Variants in PANX1 observed in about 807,000 individuals in gnomAD.
PANX1 encodes pannexin 1, also known as pannexin-1.
Under a neutral mutation model 38.7 loss-of-function variants are expected in PANX1, and 30 were observed. That is an observed-to-expected ratio of 0.78 (90% CI 0.58 to 1.05). PANX1 has a LOEUF of 1.05. Ranked by LOEUF, PANX1 falls within the 50% of genes least tolerant of loss-of-function variation. PANX1 has a pLI of 0.00. For missense variants in PANX1, 551 were observed against 517.2 expected (o/e 1.07, Z -0.63); for synonymous variants, 230 against 212.2 (o/e 1.08, Z -0.73).
chr11:94,178,379 A>G lies in PANX1; in HGVS notation c.332A>G (p.Tyr111Cys). ...LPLWLHKFFP[Y>C]ILLLFAILLY... is the part of the protein sequence containing the mutation. The stretch of plus-strand genomic sequence containing the variant: ...TCTCTTGTTTTTCAGTTTTTCCCCT[A>G]CATCCTGCTGCTCTTTGCGATCCTC... Residue 111 changes from tyrosine to cysteine, a missense_variant, in exon 3 of 5, where the codon TAC (tyrosine) becomes TGC (cysteine). Tyr to Cys is a radical substitution (Grantham distance 194). Transcript: ENST00000227638. The G allele has an allele frequency of 6.2e-7, 1 of 1,613,786 alleles. No homozygotes were observed. The highest frequency in any genetic ancestry group is 8.5e-7 in the Non-Finnish European group (1 of 1,179,742).
rs1947301329 is a variant in PANX1, at chr11:94,181,032, A to G, written c.*163A>G. Reference sequence around the variant, plus strand: ...CCTAATGGAAATGGTGATCAACAAAAGGTTATGGAAGAATGGTTTATGAAC... The same window carrying G: ...CCTAATGGAAATGGTGATCAACAAAGGGTTATGGAAGAATGGTTTATGAAC... On this transcript the variant is annotated 3_prime_UTR_variant, in exon 5 of 5. Coordinates refer to ENST00000227638, the MANE Select transcript of PANX1 (RefSeq NM_015368.4). 3 of 598,808 alleles carry G rather than the reference A, an allele frequency of 5.0e-6. No homozygotes were observed. The highest frequency in any genetic ancestry group is 2.0e-5 in the South Asian group (1 of 49,120). The allele number at this position is 598,808 out of a possible 1,614,324, so 37.1% of individuals were successfully genotyped here. A position where few individuals can be genotyped will look rare whatever the true frequency, so the allele number is the denominator to read the frequency against.
At position 94,181,648 on chromosome 11, in the gene PANX1, C is replaced by T. The variant is rs1454297463; in HGVS notation, c.*779C>T. 6.6e-6 allele frequency: 1 copy of T among 152,208 alleles called. No homozygotes were observed. Among genetic ancestry groups the T allele is most frequent in the African/African-American group, 2.4e-5 (1 of 41,454 alleles). 9.4% of individuals were successfully genotyped at this position (152,208 alleles called of 1,614,324 possible). A position where few individuals can be genotyped will look rare whatever the true frequency, so the allele number is the denominator to read the frequency against. Reference sequence around the variant, plus strand: ...CAGAAGACATTAATTCAGTCACTTTCAAAGAGTTTGTCTACAGGCGGTTTC... The same window carrying T: ...CAGAAGACATTAATTCAGTCACTTTTAAAGAGTTTGTCTACAGGCGGTTTC... On this transcript the variant is annotated 3_prime_UTR_variant, in exon 5 of 5. Transcript: ENST00000227638.
At chr11:94,153,270 C>T (rs1946905949) in intron 1 of PANX1, among the ~76,000 whole-genome samples, 1 of 152,108 alleles carries the variant, frequency 6.6e-6, no homozygotes, top group Admixed American at 6.5e-5. Flanking sequence ...GAATTTTTCC[C>T]CAACTGAGGC....
chr11:94,178,399 A>G lies in PANX1; in HGVS notation c.352A>G (p.Ile118Val). Reference sequence around the variant, plus strand: ...CCCCTACATCCTGCTGCTCTTTGCGATCCTCCTGTACCTGCCCCCGCTGTT... The same window carrying G: ...CCCCTACATCCTGCTGCTCTTTGCGGTCCTCCTGTACCTGCCCCCGCTGTT... Reference protein sequence around the residue: ...FFPYILLLFAILLYLPPLFWR... With the variant: ...FFPYILLLFAVLLYLPPLFWR... Residue 118 changes from isoleucine to valine, a missense_variant, in exon 3 of 5, where the codon ATC becomes GTC. By Grantham distance (29) the Ile-to-Val change is conservative (BLOSUM62 3). Coordinates refer to ENST00000227638, the MANE Select transcript of PANX1 (RefSeq NM_015368.4). 6.2e-7 allele frequency: 1 copy of G among 1,614,002 alleles called. No individual in the cohort carries two copies. The highest frequency in any genetic ancestry group is 1.3e-5 in the African/African-American group (1 of 74,986).
intron 2 of PANX1, among the ~76,000 whole-genome samples, chr11:94,159,939 G>T (rs1012834027): frequency 6.6e-6 from 1 of 151,556 alleles, no homozygotes; most frequent in East Asian, 1.9e-4. Flanking sequence ...CTTTGTTCTC[G>T]TTGGTTTCAA....
chr11:94,163,407 CAGTT>C (rs1173728988), intron 2 of PANX1, among the ~76,000 whole-genome samples: 1 of 152,082 alleles, frequency 6.6e-6, no homozygotes, highest in African/African-American at 2.4e-5. Context: ...CTTCTGTACT[CAGTT>C]TGTTCAGGGT....
intron 2 of PANX1, among the ~76,000 whole-genome samples, chr11:94,165,270 C>T (rs1434031639): frequency 1.3e-5 from 2 of 149,554 alleles, no homozygotes; most frequent in Admixed American, 6.7e-5. Context: ...CTCTGTCTTC[C>T]TTTGTGTATA....
At chr11:94,141,391 A>C (rs1028104582) in intron 1 of PANX1, among the ~76,000 whole-genome samples, 1 of 152,094 alleles carries the variant, frequency 6.6e-6, no homozygotes, top group African/African-American at 2.4e-5. Context: ...CTGGGATTTC[A>C]TGAGACACAC....
intron 3 of PANX1, among the ~76,000 whole-genome samples, chr11:94,179,265 G>A (rs553563517): frequency 6.6e-6 from 1 of 152,178 alleles, no homozygotes; most frequent in Admixed American, 6.5e-5. Context: ...CATAGTTTTT[G>A]CCCATACCCC....
chr11:94,162,570 C>T (rs1345861988), intron 2 of PANX1, among the ~76,000 whole-genome samples: 9 of 152,290 alleles, frequency 5.9e-5, no homozygotes, highest in East Asian at 3.9e-4. Flanking sequence ...GTTGGATAAG[C>T]GCAGTATTAG....
Position 94,153,589 on chromosome 11 carries a change from C to A in PANX1, c.280C>A (p.Leu94Met). 2 of 1,614,022 alleles carry A rather than the reference C, an allele frequency of 1.2e-6. No homozygotes were observed. Among genetic ancestry groups the A allele is most frequent in the Non-Finnish European group, 1.7e-6 (2 of 1,179,916 alleles). Reference protein sequence around the residue: ...CWAAVQQKNSLQSESGNLPLW... With the variant: ...CWAAVQQKNSMQSESGNLPLW... The stretch of plus-strand genomic sequence containing the variant: ...GGCGGCTGTTCAGCAGAAGAACTCA[C>A]TGCAGAGCGAGTCTGGAAACCTCCC... The change falls in exon 2 of 5, where the codon CTG (leucine) becomes ATG (methionine). Residue 94 changes from leucine (L) to methionine (M), a missense_variant. Physicochemically the swap from Leu to Met is conservative, Grantham distance 15. Coordinates refer to ENST00000227638, the MANE Select transcript of PANX1 (RefSeq NM_015368.4).
rs559096403 is a variant in PANX1, at chr11:94,147,330, A to T, written c.182-6161A>T. On this transcript the variant is annotated intron_variant, in intron 1 of 4. Coordinates refer to ENST00000227638, the MANE Select transcript of PANX1 (RefSeq NM_015368.4). ...AAATACATCCAGTACTTTCATCTTA[A>T]TATAACATTGAGTTCTTCTGATGCC... Among the ~76,000 whole-genome samples the T allele has an allele frequency of 1.1e-4, 16 of 152,320 alleles. No individual in the cohort carries two copies. The South Asian group carries it at 2.3e-3, about 22-fold the overall frequency.
At chr11:94,145,199 C>T (rs1011863124) in intron 1 of PANX1, among the ~76,000 whole-genome samples, 2 of 152,182 alleles carry the variant, frequency 1.3e-5, no homozygotes, top group African/African-American at 4.8e-5. Context: ...TTTGTTTGAC[C>T]ATGTGTTCCA....
In PANX1 at chr11:94,178,515, T is replaced by G. The variant is rs1308636370; in HGVS notation, c.468T>G (p.Ala156=). 2.5e-6 allele frequency: 4 copies of G among 1,614,028 alleles called. No individual in the cohort carries two copies. The African/African-American group carries it at 5.3e-5, about 22-fold the overall frequency. Residue 156 remains alanine (A), a synonymous_variant, in exon 3 of 5, where the codon GCT becomes GCG. Coordinates refer to ENST00000227638, the MANE Select transcript of PANX1 (RefSeq NM_015368.4). ...AAGTTTACAACCGTGCAATTAAGGCTGCAAAGAGTGCGCGTGACCTTGACA... is the reference window on the plus strand; with the variant it reads ...AAGTTTACAACCGTGCAATTAAGGCGGCAAAGAGTGCGCGTGACCTTGACA... ...LDKVYNRAIK[A]AKSARDLDMR...
chr11:94,180,970 G>T lies in PANX1; in HGVS notation c.*101G>T. 1 of 723,806 alleles carries T rather than the reference G, an allele frequency of 1.4e-6. No individual in the cohort carries two copies. 44.8% of individuals were successfully genotyped at this position (723,806 alleles called of 1,614,324 possible). Reference sequence around the variant, plus strand: ...TTTCACAGCTGGTTTGCAATAAATGGTTCTTGGTGGAGATACTGAGCATGT... The same window carrying T: ...TTTCACAGCTGGTTTGCAATAAATGTTTCTTGGTGGAGATACTGAGCATGT... On this transcript the variant is annotated 3_prime_UTR_variant, in exon 5 of 5. Transcript: ENST00000227638.
chr11:94,178,322 T>C (rs1345276729), intron 2 of PANX1, 47 bp from the exon 3 acceptor site: 2 of 1,413,156 alleles, frequency 1.4e-6, no homozygotes, highest in Admixed American at 1.7e-5. Context: ...CATAGGTTAC[T>C]GCATGGGGGG....
intron 2 of PANX1, among the ~76,000 whole-genome samples, chr11:94,168,436 GAA>G (rs1286162532): frequency 1.3e-5 from 2 of 151,236 alleles, no homozygotes; most frequent in African/African-American, 2.4e-5. Context: ...GTACAGGAGA[GAA>G]TAGAGGCAGG....
At chr11:94,171,260 C>T (rs970258775) in intron 2 of PANX1, among the ~76,000 whole-genome samples, 3 of 151,686 alleles carry the variant, frequency 2.0e-5, no homozygotes, top group Non-Finnish European at 4.4e-5. Flanking sequence ...CTTGCTGTCA[C>T]TTGAAACTAA....
At chr11:94,175,887 T>C in intron 2 of PANX1, 1 of 984,824 alleles carries the variant, frequency 1.0e-6, no homozygotes, top group Non-Finnish European at 1.2e-6. Context: ...GCAGCTGTCT[T>C]GGTAAGAGGG....
Sources: gnomAD v4.1 joint callset for allele counts (sites outside exome capture counted in the v4.1 genomes callset) on GRCh38, gnomAD v4.1.1 for gene constraint, MANE v1.5 for transcripts, NCBI Gene and HGNC (gene_info 2026-07-23, HGNC 2026-07-21) for gene names.